Variants in ZC2HC1B observed in about 807,000 individuals in gnomAD.
ZC2HC1B encodes the protein zinc finger C2HC-type containing 1B, also known as zinc finger C2HC domain-containing protein 1B.
ZC2HC1B carries 36 observed loss-of-function variants against 31.0 expected under a neutral mutation model. The ratio of observed to expected loss-of-function variants is 1.16; its 90% CI spans 0.89 to 1.54. ZC2HC1B has a LOEUF of 1.54. Ranked by LOEUF, ZC2HC1B falls within the 40% of genes most tolerant of loss-of-function variation. ZC2HC1B has a pLI of 0.00. For missense variants in ZC2HC1B, 260 were observed against 268.6 expected, an observed-to-expected ratio of 0.97 and a Z score of 0.22; for synonymous variants, 73 against 88.0, an observed-to-expected ratio of 0.83 and a Z score of 0.95.
intron 6 of ZC2HC1B, among the ~76,000 whole-genome samples, chr6:143,935,945 T>A (rs539025086): frequency 2.0e-5 from 3 of 152,198 alleles, no homozygotes; most frequent in Non-Finnish European, 2.9e-5. Flanking sequence ...CCACTGCCCC[T>A]GTCTTCTTTT....
At chr6:143,910,708 C>G (rs550845843) in intron 6 of ZC2HC1B, among the ~76,000 whole-genome samples, 3 of 152,206 alleles carry the variant, frequency 2.0e-5, no homozygotes, top group African/African-American at 7.2e-5. Flanking sequence ...AACCCTTTAC[C>G]TTTATGTAAT....
At chr6:143,866,943 T>C (rs376582632) in intron 1 of ZC2HC1B, among the ~76,000 whole-genome samples, 50 of 152,334 alleles carry the variant, frequency 3.3e-4, no homozygotes, top group African/African-American at 1.2e-3. Flanking sequence ...CCAGCTGTCA[T>C]AGAAGTTGAA....
rs1189818364 is a variant in ZC2HC1B at position 143,872,619 on chromosome 6, A to G, written c.28+8052A>G. On this transcript the variant is annotated intron_variant, in intron 1 of 7. Transcript: ENST00000237275. This position sits in a 1 kb window ranked among gnomAD's most constrained non-coding sequence, Gnocchi z 5.5. ...GAGACTGGGAAGAAAAAGAGGTTTA[A>G]TCAGACTTACAGTTCCACATGGCTG... 1.3e-5 allele frequency among the ~76,000 whole-genome samples: 2 copies of G among 152,218 alleles called. No individual in the cohort carries two copies. Among genetic ancestry groups the G allele is most frequent in the Non-Finnish European group, 2.9e-5 (2 of 68,034 alleles).
intron 1 of ZC2HC1B, among the ~76,000 whole-genome samples, chr6:143,866,067 G>A (rs554616523): frequency 1.9e-3 from 291 of 152,214 alleles, no homozygotes; most frequent in African/African-American, 6.8e-3. Flanking sequence ...CGCCCGCCTC[G>A]GCCTCCCAAA....
rs538685929 is a variant in ZC2HC1B at position 143,872,213 on chromosome 6, G to A, written c.28+7646G>A. On this transcript the variant is annotated intron_variant, in intron 1 of 7. Transcript: ENST00000237275. This position sits in a 1 kb window ranked among gnomAD's most constrained non-coding sequence, Gnocchi z 5.5. ...CTCCCCTTCATTCAAGCAGCTCTGG[G>A]TTCGTAAACTGGCTCAAGTCTGGAA... is the stretch of plus-strand genomic sequence containing the variant. Among the ~76,000 whole-genome samples the A allele has an allele frequency of 6.6e-6, 1 of 152,122 alleles. No individual in the cohort carries two copies. Among genetic ancestry groups the A allele is most frequent in the South Asian group, 2.1e-4 (1 of 4,830 alleles).
In ZC2HC1B at chr6:143,883,543, T is replaced by C. The variant is rs1479782485; in HGVS notation, c.29-761T>C. Among the ~76,000 whole-genome samples, 2 of 152,236 alleles carry C rather than the reference T, an allele frequency of 1.3e-5. No individual in the cohort carries two copies. Among genetic ancestry groups the C allele is most frequent in the Non-Finnish European group, 2.9e-5 (2 of 68,042 alleles). ...TATGCTCAGACCTCAAACTGCTTTT[T>C]TTATTAACCTAAGACATCATAGCTT... On this transcript the variant is annotated intron_variant, in intron 1 of 7. Transcript: ENST00000237275. The surrounding 1 kb of genome is among the most constrained non-coding windows in gnomAD (Gnocchi z 4.1).
At chr6:143,877,268 A>ATTT (rs1582952241) in intron 1 of ZC2HC1B, among the ~76,000 whole-genome samples, 6 of 48,550 alleles carry the variant, frequency 1.2e-4, no homozygotes, top group East Asian at 6.6e-4. Flanking sequence ...GATTTTTTTA[A>ATTT]TTTCTTTTTT....
intron 1 of ZC2HC1B, among the ~76,000 whole-genome samples, chr6:143,878,680 A>G (rs1777435085): frequency 7.3e-6 from 1 of 137,182 alleles, no homozygotes; most frequent in Admixed American, 6.9e-5. Context: ...AGAAACATGC[A>G]TAAAACAAGG....
At chr6:143,890,492 C>G (rs1777587650) in intron 4 of ZC2HC1B, among the ~76,000 whole-genome samples, 1 of 151,214 alleles carries the variant, frequency 6.6e-6, no homozygotes, top group South Asian at 2.1e-4. Flanking sequence ...TAACATCACA[C>G]TTAATAGTGA....
Position 143,886,173 on chromosome 6 carries a change from GTGTT to G in ZC2HC1B, c.210+27_210+30del. ...CAAGGTACTCCTGATATCTTCTTTA[GTGTT>G]TGTTATTACATTCTGCGGTACTGTA... On this transcript the variant is annotated intron_variant, in intron 3 of 7. Coordinates refer to ENST00000237275, the MANE Select transcript of ZC2HC1B (RefSeq NM_001013623.3). This position sits in a 1 kb window ranked among gnomAD's most constrained non-coding sequence, Gnocchi z 4.2. 6.6e-7 allele frequency: 1 copy of G among 1,505,544 alleles called. No individual in the cohort carries two copies. The highest frequency in any genetic ancestry group is 8.8e-7 in the Non-Finnish European group (1 of 1,131,254). 93.3% of individuals were successfully genotyped at this position (1,505,544 alleles called of 1,614,324 possible). A position where few individuals can be genotyped will look rare whatever the true frequency, so the allele number is the denominator to read the frequency against.
In ZC2HC1B at chr6:143,899,532, C is replaced by T. The variant is rs551483865; in HGVS notation, c.489+841C>T. On this transcript the variant is annotated intron_variant, in intron 5 of 7. Coordinates refer to ENST00000237275, the MANE Select transcript of ZC2HC1B (RefSeq NM_001013623.3). This position sits in a 1 kb window ranked among gnomAD's most constrained non-coding sequence, Gnocchi z 5.0. ...CTGGAACTACAGGTGCATAGCACCA[C>T]GCCCAGCTAATTTTTTGTATTTTTA... is the stretch of plus-strand genomic sequence containing the variant. Among the ~76,000 whole-genome samples, 14 of 152,274 alleles carry T rather than the reference C, an allele frequency of 9.2e-5. No individual in the cohort carries two copies. Among genetic ancestry groups the T allele is most frequent in the South Asian group, 4.1e-4 (2 of 4,828 alleles).
At chr6:143,867,618 G>T (rs1378762213) in intron 1 of ZC2HC1B, among the ~76,000 whole-genome samples, 1 of 152,182 alleles carries the variant, frequency 6.6e-6, no homozygotes, top group Non-Finnish European at 1.5e-5. Flanking sequence ...GTCTCCAACT[G>T]ATCTAGAGAT....
At chr6:143,919,537 T>G (rs1777963814) in intron 6 of ZC2HC1B, among the ~76,000 whole-genome samples, 2 of 151,904 alleles carry the variant, frequency 1.3e-5, no homozygotes, top group Admixed American at 1.3e-4. Flanking sequence ...TGATGGGAGG[T>G]ACAACAACAA....
intron 1 of ZC2HC1B, among the ~76,000 whole-genome samples, chr6:143,882,776 C>T (rs529576251): frequency 2.6e-5 from 4 of 152,186 alleles, no homozygotes; most frequent in East Asian, 1.9e-4. Flanking sequence ...TCCTGCTGGC[C>T]GGACAACTCT....
intron 6 of ZC2HC1B, among the ~76,000 whole-genome samples, chr6:143,927,003 T>C (rs895190573): frequency 1.1e-4 from 16 of 139,690 alleles, no homozygotes; most frequent in African/African-American, 4.5e-4. Context: ...TTTCACCTTG[T>C]TAGCCAGGAT....
At position 143,887,880 on chromosome 6, in the gene ZC2HC1B, CTT is replaced by C. The variant is rs552173733; in HGVS notation, c.349+1060_349+1061del. 8.5e-4 allele frequency among the ~76,000 whole-genome samples: 130 copies of C among 152,074 alleles called. No homozygotes were observed. The highest frequency in any genetic ancestry group is 2.9e-3 in the African/African-American group (121 of 41,532). Reference sequence around the variant, plus strand: ...CTGTGGACTGTCTTTTTCTCTCTCTCTTGATAATAGCCTTTAATACACAAAAG... The same window carrying C: ...CTGTGGACTGTCTTTTTCTCTCTCTCGATAATAGCCTTTAATACACAAAAG... On this transcript the variant is annotated intron_variant, in intron 4 of 7. Transcript: ENST00000237275. This position sits in a 1 kb window ranked among gnomAD's most constrained non-coding sequence, Gnocchi z 5.1.
Position 143,887,156 on chromosome 6 carries a change from T to C in ZC2HC1B, c.349+335T>C, listed in dbSNP as rs1339788172. Among the ~76,000 whole-genome samples the C allele has an allele frequency of 6.6e-6, 1 of 152,102 alleles. No individual in the cohort carries two copies. Among genetic ancestry groups the C allele is most frequent in the Non-Finnish European group, 1.5e-5 (1 of 68,006 alleles). On this transcript the variant is annotated intron_variant, in intron 4 of 7. Transcript: ENST00000237275. This position sits in a 1 kb window ranked among gnomAD's most constrained non-coding sequence, Gnocchi z 5.1. ...TCGTGTCAGATACCCACAGCAATTT[T>C]TTTTTTCCAGGTAAAATTCCCAAAA...
intron 6 of ZC2HC1B, among the ~76,000 whole-genome samples, chr6:143,928,200 C>T (rs1432141719): frequency 6.6e-6 from 1 of 152,112 alleles, no homozygotes; most frequent in African/African-American, 2.4e-5. Context: ...TTGTGTAGGC[C>T]AATGTCCAGA....
Position 143,870,437 on chromosome 6 carries a change from G to A in ZC2HC1B, c.28+5870G>A, listed in dbSNP as rs1777322421. On this transcript the variant is annotated intron_variant, in intron 1 of 7. Coordinates refer to ENST00000237275, the MANE Select transcript of ZC2HC1B (RefSeq NM_001013623.3). This position sits in a 1 kb window ranked among gnomAD's most constrained non-coding sequence, Gnocchi z 4.7. ...GTGCAGGCTAGGGGAGAGAAGGCAA[G>A]GTGGCAGGAGTCTCCACCTTGGGCA... 1.3e-5 allele frequency among the ~76,000 whole-genome samples: 2 copies of A among 152,180 alleles called. No individual in the cohort carries two copies. Among genetic ancestry groups the A allele is most frequent in the Admixed American group, 1.3e-4 (2 of 15,288 alleles).
Sources: gnomAD v4.1 joint callset for allele counts (sites outside exome capture counted in the v4.1 genomes callset) on GRCh38, gnomAD v4.1.1 for gene constraint, Gnocchi (gnomAD v3.1) non-coding constraint, MANE v1.5 for transcripts, NCBI Gene and HGNC (gene_info 2026-07-23, HGNC 2026-07-21) for gene names.